Variants in RIMS2 observed in about 807,000 individuals in gnomAD.
The protein encoded by RIMS2 is regulating synaptic membrane exocytosis 2, also known as regulating synaptic membrane exocytosis protein 2.
In RIMS2, 59 loss-of-function variants were observed where a neutral mutation model predicts 174.4. The observed-to-expected ratio is 0.34, with a 90% CI of 0.27 to 0.42. The LOEUF is 0.42. RIMS2 is among the 10% of genes least tolerant of loss of function. The pLI, the probability that RIMS2 is intolerant of heterozygous loss-of-function variation, is 1.00. For synonymous variants in RIMS2, 606 were observed against 572.5 expected (o/e 1.06, Z -0.84); for missense variants, 1,620 against 1,666.3 (o/e 0.97, Z 0.48).
At chr8:103,834,358 T>C (rs2154481115) in intron 3 of RIMS2, among the ~76,000 whole-genome samples, 1 of 128,836 alleles carries the variant, frequency 7.8e-6, no homozygotes, top group South Asian at 2.5e-4. Context: ...TTTTAAGAAA[T>C]GGGAGTCTCA....
chr8:104,034,679 A>G (rs2096477783), intron 19 of RIMS2, among the ~76,000 whole-genome samples: 1 of 151,938 alleles, frequency 6.6e-6, no homozygotes, highest in African/African-American at 2.4e-5. Context: ...CATGTTGGCC[A>G]GGATGGTCTC....
chr8:103,635,757 T>G (rs1380656404), intron 1 of RIMS2, among the ~76,000 whole-genome samples: 4 of 152,080 alleles, frequency 2.6e-5, no homozygotes, highest in Non-Finnish European at 5.9e-5. Context: ...TGAGCTGTGC[T>G]GGGGTTCCAC....
At chr8:103,828,385 T>TTGAGATG (rs2098804777) in intron 3 of RIMS2, among the ~76,000 whole-genome samples, 2 of 152,254 alleles carry the variant, frequency 1.3e-5, no homozygotes, top group Admixed American at 1.3e-4. Flanking sequence ...ATGTCTTCTT[T>TTGAGATG]TGAGATGTGT....
At chr8:103,645,348 A>C (rs796078441) in intron 1 of RIMS2, among the ~76,000 whole-genome samples, 24 of 152,238 alleles carry the variant, frequency 1.6e-4, no homozygotes, top group African/African-American at 5.8e-4. Flanking sequence ...TTTATTGTTA[A>C]TATAGAAATA....
intron 14 of RIMS2, 42 bp downstream of exon 16, chr8:103,942,968 C>A (rs2082879925): frequency 6.7e-7 from 1 of 1,496,946 alleles, no homozygotes. Context: ...ATTGTATTTT[C>A]CTAATCTTGA....
intron 19 of RIMS2, among the ~76,000 whole-genome samples, chr8:104,031,556 T>C (rs898413064): frequency 6.6e-5 from 10 of 152,166 alleles, no homozygotes; most frequent in Non-Finnish European, 1.5e-4. Context: ...ACATAGTTTA[T>C]GTGAGAATTT....
At chr8:103,530,935 T>C (rs1463654293) in intron 1 of RIMS2, among the ~76,000 whole-genome samples, 3 of 151,914 alleles carry the variant, frequency 2.0e-5, no homozygotes, top group African/African-American at 7.2e-5. Context: ...CCTTAACTTT[T>C]ATGGTTTAGG....
chr8:103,568,298 A>G (rs2092535664), intron 1 of RIMS2, among the ~76,000 whole-genome samples: 1 of 152,194 alleles, frequency 6.6e-6, no homozygotes, highest in Non-Finnish European at 1.5e-5. Context: ...ACCCTGTTTC[A>G]AAATAAAATA....
At chr8:103,783,367 C>G (rs1417945788) in intron 3 of RIMS2, among the ~76,000 whole-genome samples, 2 of 150,618 alleles carry the variant, frequency 1.3e-5, no homozygotes, top group African/African-American at 4.9e-5. Flanking sequence ...TGCGCTGCAC[C>G]CACTAACTCG....
chr8:103,515,125 AT>A (rs2129928627), intron 1 of RIMS2, among the ~76,000 whole-genome samples: 1 of 152,258 alleles, frequency 6.6e-6, no homozygotes, highest in East Asian at 1.9e-4. Flanking sequence ...TGAGAATGGT[AT>A]TCTAATCCAT....
chr8:104,248,911 C>G (rs1484926380), intron 21 of RIMS2, 98 bp downstream of exon 27: 1 of 624,210 alleles, frequency 1.6e-6, no homozygotes, highest in Non-Finnish European at 2.8e-6. Context: ...CTCTCTCTCT[C>G]TTTCCCTCTC....
At chr8:104,073,055 C>T (rs1016522708) in intron 19 of RIMS2, among the ~76,000 whole-genome samples, 10 of 152,200 alleles carry the variant, frequency 6.6e-5, no homozygotes, top group South Asian at 2.1e-4. Flanking sequence ...TAAGGATCAA[C>T]GTATTTTTTC....
intron 19 of RIMS2, among the ~76,000 whole-genome samples, chr8:104,049,918 AT>A (rs2096758236): frequency 6.6e-6 from 1 of 152,224 alleles, no homozygotes; most frequent in Non-Finnish European, 1.5e-5. Flanking sequence ...TTCTTTAAAT[AT>A]GTTTCTAATG....
rs2098564545 is a variant in RIMS2, at chr8:103,798,020, T to C, written c.698+31483T>C. On this transcript the variant is annotated intron_variant, in intron 3 of 23. Coordinates refer to ENST00000504942, the Ensembl canonical transcript of RIMS2. ...CATATACTGTGCTGCCCAATGCTTG[T>C]TAGACCTATTGAAAATTCCCAATGG... Among the ~76,000 whole-genome samples, 4 of 152,274 alleles carry C rather than the reference T, an allele frequency of 2.6e-5. No homozygotes were observed. The South Asian group carries it at 8.3e-4, about 32-fold the overall frequency.
At chr8:104,147,133 C>A (rs1272616985) in intron 19 of RIMS2, among the ~76,000 whole-genome samples, 1 of 152,082 alleles carries the variant, frequency 6.6e-6, no homozygotes. Context: ...CAAAATAAAA[C>A]AAACTTGAAA....
chr8:103,671,556 C>T (rs2096744177), intron 1 of RIMS2, among the ~76,000 whole-genome samples: 1 of 152,060 alleles, frequency 6.6e-6, no homozygotes, highest in Non-Finnish European at 1.5e-5. Flanking sequence ...TCTTATGGTC[C>T]TTTCTACCCT....
intron 3 of RIMS2, among the ~76,000 whole-genome samples, chr8:103,858,344 G>C (rs1564948588): frequency 6.6e-6 from 1 of 151,972 alleles, no homozygotes; most frequent in Non-Finnish European, 1.5e-5. Context: ...AGATATATAT[G>C]AAGGAATAAA....
chr8:103,884,742 A>C (rs2099189814), intron 3 of RIMS2, among the ~76,000 whole-genome samples: 1 of 151,896 alleles, frequency 6.6e-6, no homozygotes, highest in African/African-American at 2.4e-5. Flanking sequence ...AAAGGGTTGG[A>C]GACATGATGA....
intron 1 of RIMS2, among the ~76,000 whole-genome samples, chr8:103,574,888 T>C (rs2093099649): frequency 6.6e-6 from 1 of 152,336 alleles, no homozygotes; most frequent in East Asian, 1.9e-4. Context: ...GCCCTTGTTG[T>C]GAAGTAACTT....
Sources: allele counts gnomAD v4.1 joint callset (sites outside exome capture counted in the v4.1 genomes callset), GRCh38; gene constraint gnomAD v4.1.1; transcripts MANE v1.5; gene names NCBI Gene and HGNC (gene_info 2026-07-23, HGNC 2026-07-21).